TTI2: variants seen among roughly 807,000 people sequenced by gnomAD.
TTI2 encodes the protein TELO2 interacting protein 2.
A neutral mutation model predicts 44.9 loss-of-function variants in TTI2; 26 were observed. The ratio of observed to expected loss-of-function variants is 0.58; its 90% CI spans 0.42 to 0.80. The LOEUF (loss-of-function observed/expected upper bound fraction) is 0.80, where lower values mean the gene tolerates loss of function less well. Ranked by LOEUF, TTI2 falls within the 30% of genes least tolerant of loss-of-function variation. The probability of loss-of-function intolerance (pLI) is 0.00; values close to 1 mark genes in which losing one functional copy is unlikely to be tolerated. For missense variants in TTI2, 582 were observed against 611.6 expected (o/e 0.95, Z 0.51); for synonymous variants, 254 against 250.9 (o/e 1.01, Z -0.12).
chr8:33,503,140 A>ACC (rs34056749), intron 6 of TTI2, among the ~76,000 whole-genome samples: 2 of 145,580 alleles, frequency 1.4e-5, no homozygotes, highest in Non-Finnish European at 1.5e-5. Flanking sequence ...AAAAAAAAAA[A>ACC]AAAAAAAACA....
At chr8:33,502,827 A>G (rs532136158) in intron 6 of TTI2, among the ~76,000 whole-genome samples, 156 of 102,796 alleles carry the variant, frequency 1.5e-3, no homozygotes, top group Non-Finnish European at 2.1e-3. Flanking sequence ...CTCCATCTCA[A>G]AAACAAAAAC....
intron 2 of TTI2, among the ~76,000 whole-genome samples, chr8:33,511,262 C>T (rs1304558866): frequency 2.0e-5 from 3 of 151,832 alleles, no homozygotes; most frequent in Non-Finnish European, 4.4e-5. Flanking sequence ...AGGCTGGTCT[C>T]GAACTCCTGA....
At chr8:33,500,198 A>T in intron 7 of TTI2, 130 bp downstream of exon 7, 1 of 1,000,562 alleles carries the variant, frequency 1.0e-6, no homozygotes, top group Non-Finnish European at 1.5e-6. Context: ...GAGGGCTCAT[A>T]TGGAGATCTA....
rs771051371 is a variant in TTI2, at chr8:33,512,118, G to C, written c.496C>G (p.Pro166Ala). The C allele has an allele frequency of 4.3e-6, 7 of 1,614,098 alleles. No homozygotes were observed. In the Admixed American group the frequency reaches 1.2e-4, roughly 27 times the overall value. The change falls in exon 2 of 8, where the codon CCG (proline) becomes GCG (alanine). Residue 166 changes from proline to alanine, a missense_variant. Coordinates refer to ENST00000431156, the MANE Select transcript of TTI2 (RefSeq NM_001102401.4). ...THSLEQPWTTPRSREVAREVL... is the reference protein window; with the variant it reads ...THSLEQPWTTARSREVAREVL... ...TCCCTAGCAACTTCCCGAGATCTCG[G>C]AGTGGTCCATGGTTGCTCCAAGCTG...
chr8:33,507,426 C>T (rs1392677830), intron 3 of TTI2, 105 bp from the exon 4 acceptor site: 9 of 954,674 alleles, frequency 9.4e-6, no homozygotes, highest in Non-Finnish European at 1.5e-5. Context: ...AAGAACATGC[C>T]ATCCCAAAAT....
rs759188877 is a variant in TTI2 at position 33,499,209 on chromosome 8, C to G, written c.1491G>C (p.Gln497His). Reference protein sequence around the residue: ...RKVVNYIRKVQQVSEGAPYNG... With the variant: ...RKVVNYIRKVHQVSEGAPYNG... ...TGTAGGGTGCGCCTTCAGAAACCTG[C>G]TGCACTTTTCTGATATAGTTCACCA... Residue 497 changes from glutamine to histidine, a missense_variant, in exon 8 of 8, where the codon CAG becomes CAC. Transcript: ENST00000431156. 3.7e-6 allele frequency: 6 copies of G among 1,614,064 alleles called. No individual in the cohort carries two copies. The highest frequency in any genetic ancestry group is 5.1e-6 in the Non-Finnish European group (6 of 1,179,988).
chr8:33,512,664 G>A lies in TTI2; in HGVS notation c.-51C>T, dbSNP rs1386709270. The stretch of plus-strand genomic sequence containing the variant: ...GTCTCTCCCACAGAACGAGGATGGA[G>A]GCGGGGAGGGATCCGTTGAAGAGGG... On this transcript the variant is annotated 5_prime_UTR_variant, in exon 2 of 8. Coordinates refer to ENST00000431156, the MANE Select transcript of TTI2 (RefSeq NM_001102401.4). 1.9e-6 allele frequency: 3 copies of A among 1,597,906 alleles called. No individual in the cohort carries two copies. The highest frequency in any genetic ancestry group is 2.7e-5 in the African/African-American group (2 of 74,776).
rs769052273 is a variant in TTI2 at position 33,503,787 on chromosome 8, C to T, written c.1076G>A (p.Arg359His). The change falls in exon 5 of 8, where the codon CGC becomes CAC. Residue 359 changes from arginine to histidine, a missense_variant. Physicochemically the swap from Arg to His is conservative, Grantham distance 29. Transcript: ENST00000431156. ...HMEPEHRLLLRRTYARNLPAF... is the reference protein window; with the variant it reads ...HMEPEHRLLLHRTYARNLPAF... ...CGGCAGGTTTCTTGCGTAGGTCCTG[C>T]GTAAAAGAAGGCGGTGCTCTGGCTC... is the stretch of plus-strand genomic sequence containing the variant. 2.2e-5 allele frequency: 36 copies of T among 1,613,994 alleles called. No individual in the cohort carries two copies. The highest frequency in any genetic ancestry group is 3.3e-5 in the Admixed American group (2 of 59,992).
intron 7 of TTI2, chr8:33,499,933 C>G (rs1289579468): frequency 6.3e-6 from 1 of 157,922 alleles, no homozygotes; most frequent in Non-Finnish European, 1.4e-5. Context: ...CCCTAAAAAA[C>G]TGGAAACATC....
At chr8:33,504,244 T>C (rs1809214363) in intron 4 of TTI2, among the ~76,000 whole-genome samples, 1 of 149,576 alleles carries the variant, frequency 6.7e-6, no homozygotes, top group Non-Finnish European at 1.5e-5. Context: ...CTACTGTTAC[T>C]ATGTCACTAA....
intron 4 of TTI2, 24 bp downstream of exon 4, chr8:33,507,205 G>A: frequency 1.9e-6 from 3 of 1,598,808 alleles, no homozygotes; most frequent in Non-Finnish European, 2.6e-6. Flanking sequence ...TCCAGACCCA[G>A]TTATGAAGAA....
At chr8:33,506,223 G>A (rs527633123) in intron 4 of TTI2, among the ~76,000 whole-genome samples, 7 of 152,090 alleles carry the variant, frequency 4.6e-5, no homozygotes, top group East Asian at 3.9e-4. Context: ...ATCCCTATCC[G>A]TTCATTTACT....
chr8:33,504,016 T>C, intron 4 of TTI2, 81 bp from the exon 5 acceptor site: 1 of 1,418,074 alleles, frequency 7.1e-7, no homozygotes, highest in African/African-American at 1.4e-5. Flanking sequence ...AGAACTTCAT[T>C]AATCTACCGT....
At chr8:33,512,754 G>C in intron 1 of TTI2, 42 bp from the exon 2 acceptor site, 2 of 980,428 alleles carry the variant, frequency 2.0e-6, no homozygotes, top group Admixed American at 2.7e-5. Flanking sequence ...TCTTGGAGGA[G>C]GGGGCGAGTC....
chr8:33,503,128 C>CAAAAAAA (rs397973510), intron 6 of TTI2, among the ~76,000 whole-genome samples: 1 of 47,278 alleles, frequency 2.1e-5, no homozygotes, highest in African/African-American at 5.4e-5. Context: ...GACTCCATTT[C>CAAAAAAA]AAAAAAAAAA....
chr8:33,510,036 A>G lies in TTI2; in HGVS notation c.648-104T>C, dbSNP rs79956819. On this transcript the variant is annotated intron_variant, in intron 2 of 7. Coordinates refer to ENST00000431156, the MANE Select transcript of TTI2 (RefSeq NM_001102401.4). ...TAAACAGAGTATTTTCATGTCTTTG[A>G]AAAAAAAAATACATCGCACATAAGA... 5.2e-5 allele frequency: 41 copies of G among 793,172 alleles called. No individual in the cohort carries two copies. In the East Asian group the frequency reaches 1.0e-3, roughly 20 times the overall value. The allele number at this position is 793,172 out of a possible 1,614,324, so 49.1% of individuals were successfully genotyped here. A position where few individuals can be genotyped will look rare whatever the true frequency, so the allele number is the denominator to read the frequency against.
intron 4 of TTI2, among the ~76,000 whole-genome samples, chr8:33,505,766 G>A (rs1394817228): frequency 6.6e-6 from 1 of 152,166 alleles, no homozygotes; most frequent in East Asian, 1.9e-4. Flanking sequence ...TGATTCTCCT[G>A]CTTCAGCCTT....
chr8:33,512,601 TGTCAA>T lies in TTI2; in HGVS notation c.8_12del (p.Leu3GlnfsTer12), dbSNP rs1563356994. ...TCCTGCGATGGGGCTTCCAGAGCGC[TGTCAA>T]GCTCCATTCCTGACTGCAGCACCAG... On this transcript the variant is annotated frameshift_variant, in exon 2 of 8. Transcript: ENST00000431156. LOFTEE classifies it high-confidence loss of function. 6.2e-7 allele frequency: 1 copy of T among 1,613,274 alleles called. No individual in the cohort carries two copies.
At chr8:33,503,994 A>G (rs1809205165) in intron 4 of TTI2, 59 bp from the exon 5 acceptor site, 1 of 1,560,080 alleles carries the variant, frequency 6.4e-7, no homozygotes, top group South Asian at 1.1e-5. Context: ...TACAATACTC[A>G]CTGACTTCTC....
Sources: gnomAD v4.1 joint callset for allele counts (sites outside exome capture counted in the v4.1 genomes callset) on GRCh38, gnomAD v4.1.1 for gene constraint, MANE v1.5 for transcripts, NCBI Gene and HGNC (gene_info 2026-07-23, HGNC 2026-07-21) for gene names.